IMPDH2: variants seen among roughly 807,000 people sequenced by gnomAD.
IMPDH2 encodes the protein inosine-5'-monophosphate dehydrogenase 2.
Under a neutral mutation model 57.8 loss-of-function variants are expected in IMPDH2, and 33 were observed. The observed-to-expected ratio is 0.57, with a 90% CI of 0.43 to 0.76. IMPDH2 has a LOEUF of 0.76. Among genes scored for constraint, IMPDH2 ranks in the 30% least tolerant of loss-of-function variants. The pLI, the probability that IMPDH2 is intolerant of heterozygous loss-of-function variation, is 0.00. For synonymous variants in IMPDH2, 270 were observed against 241.3 expected, an observed-to-expected ratio of 1.12 and a Z score of -1.10; for missense variants, 446 against 659.1, an observed-to-expected ratio of 0.68 and a Z score of 3.54.
At chr3:49,028,215 G>A in intron 4 of IMPDH2, 33 bp downstream of exon 4, 2 of 1,573,944 alleles carry the variant, frequency 1.3e-6, no homozygotes, top group African/African-American at 1.3e-5. Flanking sequence ...GCAATTCCCA[G>A]GAGCGCTTGC....
chr3:49,029,376 T>C lies in IMPDH2; in HGVS notation c.-26A>G, dbSNP rs773307527. On this transcript the variant is annotated 5_prime_UTR_variant, in exon 1 of 14. Coordinates refer to ENST00000326739, the MANE Select transcript of IMPDH2 (RefSeq NM_000884.3). The stretch of plus-strand genomic sequence containing the variant: ...GGCCAACACAGGACACCGCCGCGTG[T>C]CTCCGAGGACCGCGCCGCAGAGACC... The C allele has an allele frequency of 2.7e-6, 4 of 1,501,516 alleles. No homozygotes were observed. The highest frequency in any genetic ancestry group is 3.6e-6 in the Non-Finnish European group (4 of 1,095,994). 93.0% of individuals were successfully genotyped at this position (1,501,516 alleles called of 1,614,324 possible).
chr3:49,027,632 G>A, intron 5 of IMPDH2, 78 bp downstream of exon 5: 3 of 1,193,102 alleles, frequency 2.5e-6, no homozygotes, highest in Non-Finnish European at 3.7e-6. Flanking sequence ...GGCTATCAGA[G>A]ATGTCTTAGA....
Position 49,025,129 on chromosome 3 carries a change from T to C in IMPDH2, c.1147A>G (p.Thr383Ala). Reference sequence around the variant, plus strand: ...CTTCACGGGTACTGGGCCTCACCTGTGGAGGCCCCAAGGGCCAAGGCTTTC... The same window carrying C: ...CTTCACGGGTACTGGGCCTCACCTGCGGAGGCCCCAAGGGCCAAGGCTTTC... ...IAKALALGAS[T>A]VMMGSLLAAT... Residue 383 changes from threonine (T) to alanine (A), a missense_variant, in exon 10 of 14, where the codon ACA becomes GCA. Thr to Ala is a moderately conservative substitution (Grantham distance 58). Coordinates refer to ENST00000326739, the MANE Select transcript of IMPDH2 (RefSeq NM_000884.3). 1 of 1,614,152 alleles carries C rather than the reference T, an allele frequency of 6.2e-7. No homozygotes were observed. The highest frequency in any genetic ancestry group is 8.5e-7 in the Non-Finnish European group (1 of 1,179,996).
chr3:49,025,353 CT>C, intron 9 of IMPDH2, 84 bp from the exon 10 acceptor site: 4 of 1,482,876 alleles, frequency 2.7e-6, no homozygotes, highest in Non-Finnish European at 3.8e-6. Context: ...GACCCAGGAG[CT>C]TTTGGCTACA....
chr3:49,029,230 A>AG, intron 1 of IMPDH2, 23 bp downstream of exon 1: 1 of 1,561,502 alleles, frequency 6.4e-7, no homozygotes, highest in South Asian at 1.2e-5. Context: ...CTCTTCGCCC[A>AG]GGTGAGCCCC....
chr3:49,027,074 G>A (rs2093202752), intron 5 of IMPDH2, 27 bp from the exon 6 acceptor site: 1 of 1,530,830 alleles, frequency 6.5e-7, no homozygotes, highest in Non-Finnish European at 9.1e-7. Flanking sequence ...ATGTGAAGAA[G>A]GGCCAGTCAT....
Position 49,027,934 on chromosome 3 carries a change from G to A in IMPDH2, c.325-18C>T. On this transcript the variant is annotated intron_variant, in intron 4 of 13. Coordinates refer to ENST00000326739, the MANE Select transcript of IMPDH2 (RefSeq NM_000884.3). ...TCATATTTCTGGAAAGGGATGGTGAGAAAGGGCATCGCATCTTTGAACTAC... is the reference window on the plus strand; with the variant it reads ...TCATATTTCTGGAAAGGGATGGTGAAAAAGGGCATCGCATCTTTGAACTAC... The A allele has an allele frequency of 6.3e-7, 1 of 1,580,658 alleles. No individual in the cohort carries two copies. The highest frequency in any genetic ancestry group is 1.3e-5 in the African/African-American group (1 of 74,376).
Position 49,027,894 on chromosome 3 carries a change from G to A in IMPDH2, c.347C>T (p.Thr116Ile). 1 of 1,613,920 alleles carries A rather than the reference G, an allele frequency of 6.2e-7. No homozygotes were observed. Among genetic ancestry groups the A allele is most frequent in the Non-Finnish European group, 8.5e-7 (1 of 1,179,788 alleles). Reference protein sequence around the residue: ...KVKKYEQGFITDPVVLSPKDR... With the variant: ...KVKKYEQGFIIDPVVLSPKDR... ...CTTGGGGCTGAGGACCACAGGGTCT[G>A]TGATGAATCCCTGTTCATATTTCTG... The change falls in exon 5 of 14, where the codon ACA becomes ATA. Residue 116 changes from threonine to isoleucine, a missense_variant. Transcript: ENST00000326739.
At position 49,029,364 on chromosome 3, in the gene IMPDH2, C is replaced by A; in HGVS notation, c.-14G>T. 5 of 1,559,548 alleles carry A rather than the reference C, an allele frequency of 3.2e-6. No homozygotes were observed. The highest frequency in any genetic ancestry group is 4.4e-6 in the Non-Finnish European group (5 of 1,144,976). On this transcript the variant is annotated 5_prime_UTR_variant, in exon 1 of 14. Transcript: ENST00000326739. Reference sequence around the variant, plus strand: ...GTAGTCGGCCATGGCCAACACAGGACACCGCCGCGTGTCTCCGAGGACCGC... The same window carrying A: ...GTAGTCGGCCATGGCCAACACAGGAAACCGCCGCGTGTCTCCGAGGACCGC...
Position 49,027,060 on chromosome 3 carries a change from T to C in IMPDH2, c.532-13A>G, listed in dbSNP as rs918084925. 11 of 1,592,010 alleles carry C rather than the reference T, an allele frequency of 6.9e-6. No individual in the cohort carries two copies. Among genetic ancestry groups the C allele is most frequent in the Non-Finnish European group, 9.5e-6 (11 of 1,160,176 alleles). ...TCTTTGTCATTATCTACGTGGGAGG[T>C]GAGATGTGAAGAAGGGCCAGTCATC... is the stretch of plus-strand genomic sequence containing the variant. On this transcript the variant is annotated splice_polypyrimidine_tract_variant and intron_variant, in intron 5 of 13. Transcript: ENST00000326739.
Position 49,026,751 on chromosome 3 carries a change from G to A in IMPDH2, c.755C>T (p.Thr252Ile), listed in dbSNP as rs1179690094. Residue 252 changes from threonine (T) to isoleucine (I), a missense_variant, in exon 7 of 14, where the codon ACT (threonine) becomes ATT (isoleucine). Coordinates refer to ENST00000326739, the MANE Select transcript of IMPDH2 (RefSeq NM_000884.3). The part of the protein sequence containing the change: ...KQLLCGAAIG[T>I]HEDDKYRLDL... ...CAGCCTATACTTGTCATCCTCATGAGTGCCAATGGCTGCCCCACACAGCAG... is the reference window on the plus strand; with the variant it reads ...CAGCCTATACTTGTCATCCTCATGAATGCCAATGGCTGCCCCACACAGCAG... The A allele has an allele frequency of 6.2e-7, 1 of 1,614,228 alleles. No homozygotes were observed. The highest frequency in any genetic ancestry group is 8.5e-7 in the Non-Finnish European group (1 of 1,180,032).
rs1032006749 is a variant in IMPDH2, at chr3:49,029,125, G to A, written c.98+128C>T. ...AGATGTCTCAAAGTGAGCCCCGGAG[G>A]TGGGTGGCCAATTCCCGAAACCTGT... is the stretch of plus-strand genomic sequence containing the variant. On this transcript the variant is annotated intron_variant, in intron 1 of 13. Transcript: ENST00000326739. 4 of 751,968 alleles carry A rather than the reference G, an allele frequency of 5.3e-6. No individual in the cohort carries two copies. The African/African-American group carries it at 6.9e-5, about 13-fold the overall frequency. The allele number at this position is 751,968 out of a possible 1,614,324, so 46.6% of individuals were successfully genotyped here.
chr3:49,027,684 G>A, intron 5 of IMPDH2, 26 bp downstream of exon 5: 2 of 1,594,288 alleles, frequency 1.3e-6, no homozygotes, highest in Non-Finnish European at 1.7e-6. Flanking sequence ...GCTAGAGCTT[G>A]GATCTACTCT....
In IMPDH2 at chr3:49,027,754, T is replaced by C. The variant is rs2093205389; in HGVS notation, c.487A>G (p.Ile163Val). The change falls in exon 5 of 14, where the codon ATT (isoleucine) becomes GTT (valine). Residue 163 changes from isoleucine to valine, a missense_variant. Ile to Val is a conservative substitution (Grantham distance 29). Transcript: ENST00000326739. ...TGTTCCTCCTCTTTGAGAAAATCAA[T>C]GTCCCTGGAGGAGATGATGCCCACC... Reference protein sequence around the residue: ...RLVGIISSRDIDFLKEEEHDC... With the variant: ...RLVGIISSRDVDFLKEEEHDC... 1.2e-6 allele frequency: 2 copies of C among 1,614,190 alleles called. No individual in the cohort carries two copies.
rs187021630 is a variant in IMPDH2 at position 49,028,809 on chromosome 3, G to A, written c.99-3C>T. The A allele has an allele frequency of 1.9e-6, 3 of 1,612,920 alleles. No homozygotes were observed. The highest frequency in any genetic ancestry group is 2.5e-6 in the Non-Finnish European group (3 of 1,178,888). On this transcript the variant is annotated splice_region_variant and splice_polypyrimidine_tract_variant and intron_variant, in intron 1 of 13. Transcript: ENST00000326739. ...ACCCAGGGAGAATGAGAAAGTCACT[G>A]CGAGGGAAGGGAGTGAATTGGGAGT...
intron 9 of IMPDH2, 109 bp downstream of exon 9, chr3:49,026,214 AG>A: frequency 1.2e-6 from 1 of 834,394 alleles, no homozygotes. Context: ...ATTTGGCCCC[AG>A]GGTTGCCCCT....
Position 49,027,816 on chromosome 3 carries a change from A to G in IMPDH2, c.425T>C (p.Ile142Thr). 1 of 1,614,136 alleles carries G rather than the reference A, an allele frequency of 6.2e-7. No homozygotes were observed. Among genetic ancestry groups the G allele is most frequent in the Non-Finnish European group, 8.5e-7 (1 of 1,179,984 alleles). Residue 142 changes from isoleucine to threonine, a missense_variant, in exon 5 of 14, where the codon ATC becomes ACC. Ile to Thr is a moderately conservative substitution (Grantham distance 89). Coordinates refer to ENST00000326739, the MANE Select transcript of IMPDH2 (RefSeq NM_000884.3). The stretch of plus-strand genomic sequence containing the variant: ...CATCCGGCCTGTGTCTGTGATTGGG[A>G]TACCGCAGAAACCATGCCGGGCCTT... ...EAKARHGFCG[I>T]PITDTGRMGS...
At chr3:49,028,646 A>G in intron 2 of IMPDH2, 112 bp downstream of exon 2, 1 of 1,303,456 alleles carries the variant, frequency 7.7e-7, no homozygotes, top group Non-Finnish European at 1.1e-6. Flanking sequence ...AAGCAACATG[A>G]TCCTATAAAA....
Position 49,029,259 on chromosome 3 carries a change from G to C in IMPDH2, c.92C>G (p.Thr31Ser), listed in dbSNP as rs775059356. ...GAGCCCCATAGGCCCGCACTTGTAG[G>C]TGAGGCCGTCTCCGCAGTTGAAGAG... Reference protein sequence around the residue: ...QQLFNCGDGLTYNDFLILPGY... With the variant: ...QQLFNCGDGLSYNDFLILPGY... Residue 31 changes from threonine to serine, a missense_variant, in exon 1 of 14, where the codon ACC becomes AGC. Transcript: ENST00000326739. The C allele has an allele frequency of 6.2e-7, 1 of 1,602,476 alleles. No individual in the cohort carries two copies. Among genetic ancestry groups the C allele is most frequent in the Non-Finnish European group, 8.5e-7 (1 of 1,174,522 alleles).
Sources: allele counts gnomAD v4.1 joint callset, GRCh38; gene constraint gnomAD v4.1.1; transcripts MANE v1.5; gene names NCBI Gene and HGNC (gene_info 2026-07-23, HGNC 2026-07-21).